Variants in ECT2L observed in about 807,000 individuals in gnomAD.
ECT2L encodes the protein epithelial cell-transforming sequence 2 oncogene-like.
In ECT2L, 126 loss-of-function variants were observed where a neutral mutation model predicts 122.8. That is an observed-to-expected ratio of 1.03 (90% CI 0.89 to 1.19). ECT2L has a LOEUF of 1.19. Ranked by LOEUF, ECT2L falls within the 50% of genes most tolerant of loss-of-function variation. The probability of loss-of-function intolerance (pLI) is 0.00; values close to 1 mark genes in which losing one functional copy is unlikely to be tolerated. For synonymous variants in ECT2L, 385 were observed against 381.8 expected (o/e 1.01, Z -0.10); for missense variants, 1,012 against 1,064.1 (o/e 0.95, Z 0.68).
At chr6:138,890,766 C>T (rs1397633217) in intron 20 of ECT2L, among the ~76,000 whole-genome samples, 1 of 151,986 alleles carries the variant, frequency 6.6e-6, no homozygotes, top group Non-Finnish European at 1.5e-5. Context: ...CTACTAGGGT[C>T]AATGAATTCT....
At chr6:138,859,279 A>G (rs1476915628) in intron 10 of ECT2L, among the ~76,000 whole-genome samples, 1 of 152,232 alleles carries the variant, frequency 6.6e-6, no homozygotes, top group Non-Finnish European at 1.5e-5. Context: ...TTCTACACGT[A>G]TACCACAATT....
intron 1 of ECT2L, among the ~76,000 whole-genome samples, chr6:138,803,450 G>A (rs1019016331): frequency 2.0e-5 from 3 of 152,100 alleles, no homozygotes; most frequent in Non-Finnish European, 4.4e-5. Flanking sequence ...TTAACACAGA[G>A]TATAATAACA....
chr6:138,863,940 C>T (rs1390915217), intron 11 of ECT2L, among the ~76,000 whole-genome samples: 2 of 145,824 alleles, frequency 1.4e-5, no homozygotes, highest in Non-Finnish European at 1.5e-5. Flanking sequence ...TTTTCTCCTC[C>T]TCTGCCTTCC....
Position 138,813,246 on chromosome 6 carries a change from C to T in ECT2L, c.-29C>T, listed in dbSNP as rs753786785. On this transcript the variant is annotated 5_prime_UTR_variant, in exon 3 of 22. Coordinates refer to ENST00000541398, the MANE Select transcript of ECT2L (RefSeq NM_001077706.3). ...GGAAGAAAATTTGCTGAGACGTCAG[C>T]TGGGGATTCTTCCTGGAGAACTCCA... 2.5e-6 allele frequency: 4 copies of T among 1,588,518 alleles called. No individual in the cohort carries two copies. The highest frequency in any genetic ancestry group is 3.4e-6 in the Non-Finnish European group (4 of 1,168,338).
chr6:138,815,257 T>C (rs749101598), intron 4 of ECT2L, among the ~76,000 whole-genome samples: 11 of 152,254 alleles, frequency 7.2e-5, no homozygotes, highest in South Asian at 4.1e-4. Flanking sequence ...AGTTATTAGA[T>C]ACTTTACTAA....
chr6:138,885,952 C>T (rs1778807731), intron 18 of ECT2L, 122 bp downstream of exon 18: 11 of 934,964 alleles, frequency 1.2e-5, no homozygotes, highest in Non-Finnish European at 1.7e-5. Flanking sequence ...AGTCTTTCAT[C>T]CTTTTAATGC....
At chr6:138,851,150 A>T (rs542866131) in intron 9 of ECT2L, among the ~76,000 whole-genome samples, 1 of 152,054 alleles carries the variant, frequency 6.6e-6, no homozygotes, top group South Asian at 2.1e-4. Flanking sequence ...ATCCTTGCCA[A>T]CACTTATTTT....
At chr6:138,902,433 T>G in intron 21 of ECT2L, 67 bp from the exon 22 acceptor site, 1 of 1,457,338 alleles carries the variant, frequency 6.9e-7, no homozygotes, top group Non-Finnish European at 9.4e-7. Context: ...TTTTGAGTAT[T>G]AACATTTTTT....
chr6:138,807,508 CT>C (rs1775752146), intron 1 of ECT2L, among the ~76,000 whole-genome samples: 1 of 152,112 alleles, frequency 6.6e-6, no homozygotes, highest in Admixed American at 6.5e-5. Context: ...TCTCACTAGC[CT>C]TTCTCTAGAC....
At chr6:138,889,980 A>G (rs1306345735) in intron 20 of ECT2L, among the ~76,000 whole-genome samples, 1 of 152,232 alleles carries the variant, frequency 6.6e-6, no homozygotes, top group African/African-American at 2.4e-5. Context: ...CACAACACAT[A>G]ACAAGTAATA....
chr6:138,893,415 T>TC (rs1008757070), intron 20 of ECT2L, among the ~76,000 whole-genome samples: 1 of 151,242 alleles, frequency 6.6e-6, no homozygotes, highest in Non-Finnish European at 1.5e-5. Context: ...ATATATATAT[T>TC]TTTTTATTTT....
At chr6:138,901,621 T>C (rs540262363) in intron 21 of ECT2L, among the ~76,000 whole-genome samples, 1 of 152,368 alleles carries the variant, frequency 6.6e-6, no homozygotes, top group African/African-American at 2.4e-5. Context: ...TGGTAAATTA[T>C]TCACACACAG....
At chr6:138,836,670 GTGTTC>G (rs56678953) in intron 4 of ECT2L, among the ~76,000 whole-genome samples, 71,155 of 150,876 alleles carry the variant, frequency 0.47, 17,439 homozygotes, top group East Asian at 0.8. Context: ...GTACTAATTG[GTGTTC>G]TGTTGTGAGG....
intron 8 of ECT2L, 88 bp from the exon 9 acceptor site, chr6:138,849,181 C>A: frequency 3.2e-6 from 4 of 1,248,106 alleles, no homozygotes; most frequent in African/African-American, 1.5e-5. Context: ...GAAATCACGG[C>A]GTATTTTGTA....
chr6:138,850,994 C>CAAAAAA (rs34453938), intron 9 of ECT2L, among the ~76,000 whole-genome samples: 76 of 57,728 alleles, frequency 1.3e-3, no homozygotes, highest in Non-Finnish European at 1.6e-3. Context: ...AACTCCATCT[C>CAAAAAA]AAAAAAAAAA....
At chr6:138,891,178 G>C (rs886675201) in intron 20 of ECT2L, among the ~76,000 whole-genome samples, 1 of 152,176 alleles carries the variant, frequency 6.6e-6, no homozygotes, top group Non-Finnish European at 1.5e-5. Context: ...ACTCCTTGTA[G>C]AAGTAAGATA....
At chr6:138,824,316 A>C (rs573558923) in intron 4 of ECT2L, among the ~76,000 whole-genome samples, 62 of 151,916 alleles carry the variant, frequency 4.1e-4, no homozygotes, top group Middle Eastern at 3.4e-3. Context: ...TTAAAAAAAA[A>C]CCCACTATGC....
intron 21 of ECT2L, 95 bp downstream of exon 21, chr6:138,901,215 TA>T (rs1302613582): frequency 2.3e-6 from 3 of 1,294,318 alleles, no homozygotes; most frequent in Non-Finnish European, 3.2e-6. Context: ...ACTGGAATTA[TA>T]ATTTACCAGG....
chr6:138,863,510 G>A (rs538921140), intron 11 of ECT2L, among the ~76,000 whole-genome samples: 9 of 152,264 alleles, frequency 5.9e-5, no homozygotes, highest in East Asian at 1.9e-4. Flanking sequence ...ATATAGCAGC[G>A]TCACCAAACG....
Sources: allele counts gnomAD v4.1 joint callset (sites outside exome capture counted in the v4.1 genomes callset), GRCh38; gene constraint gnomAD v4.1.1; transcripts MANE v1.5; gene names NCBI Gene and HGNC (gene_info 2026-07-23, HGNC 2026-07-21).